The following PRDM16 variants were observed in gnomAD, a reference collection of about 807,000 sequenced individuals.
PRDM16 encodes PR/SET domain 16.
In PRDM16, 23 loss-of-function variants were observed where a neutral mutation model predicts 110.6. The observed-to-expected ratio is 0.21, with a 90% CI of 0.15 to 0.29. The LOEUF (loss-of-function observed/expected upper bound fraction) is 0.29. Ranked by LOEUF, PRDM16 falls within the 10% of genes least tolerant of loss-of-function variation. The pLI is 1.00. For synonymous variants in PRDM16, 799 were observed against 781.8 expected (o/e 1.02, Z -0.37); for missense variants, 1,615 against 1,794.3 (o/e 0.90, Z 1.81).
At chr1:3,408,035 T>C (rs138908242) in intron 8 of PRDM16, among the ~76,000 whole-genome samples, 18 of 152,360 alleles carry the variant, frequency 1.2e-4, no homozygotes, top group African/African-American at 4.3e-4. Context: ...CAGTGTCCTT[T>C]GGTGCAACTG....
At chr1:3,312,548 T>G (rs1557599564) in intron 3 of PRDM16, among the ~76,000 whole-genome samples, 1 of 152,144 alleles carries the variant, frequency 6.6e-6, no homozygotes, top group Non-Finnish European at 1.5e-5. Context: ...CAGGAGCCCA[T>G]CCGGATCCGG....
intron 2 of PRDM16, among the ~76,000 whole-genome samples, chr1:3,241,927 G>A (rs1639683385): frequency 6.6e-6 from 1 of 152,194 alleles, no homozygotes; most frequent in South Asian, 2.1e-4. Context: ...GGGCTGTCAC[G>A]CTAGCCCCCT....
chr1:3,325,279 G>T (rs1462325423), intron 3 of PRDM16, among the ~76,000 whole-genome samples: 1 of 152,226 alleles, frequency 6.6e-6, no homozygotes, highest in African/African-American at 2.4e-5. Context: ...GGGGTAGGTG[G>T]CCGGGCTCCC....
chr1:3,386,555 A>G (rs1312440404), intron 4 of PRDM16: 1 of 150,350 alleles, frequency 6.7e-6, no homozygotes, highest in African/African-American at 2.5e-5. Flanking sequence ...CGTGGCCTTC[A>G]GTTAGAGCCA....
Position 3,433,188 on chromosome 1 carries a change from G to A in PRDM16, c.3697-489G>A, listed in dbSNP as rs543939608. Among the ~76,000 whole-genome samples, 3 of 152,378 alleles carry A rather than the reference G, an allele frequency of 2.0e-5. No individual in the cohort carries two copies. In the East Asian group the frequency reaches 5.8e-4, roughly 29 times the overall value. ...CCCCAAAGCAGCCAAGGGAGCTGGT[G>A]TGCACAGGAGGCCCTGCACCAGCAC... On this transcript the variant is annotated intron_variant, in intron 16 of 16. Coordinates refer to ENST00000270722, the MANE Select transcript of PRDM16 (RefSeq NM_022114.4).
Position 3,436,226 on chromosome 1 carries a change from T to G in PRDM16, c.*2415T>G. The G allele has an allele frequency of 4.4e-6, 1 of 228,638 alleles. No homozygotes were observed. Among genetic ancestry groups the G allele is most frequent in the Non-Finnish European group, 8.6e-6 (1 of 115,630 alleles). 14.2% of individuals were successfully genotyped at this position (228,638 alleles called of 1,614,324 possible). A position where few individuals can be genotyped will look rare whatever the true frequency, so the allele number is the denominator to read the frequency against. On this transcript the variant is annotated 3_prime_UTR_variant, in exon 17 of 17. Coordinates refer to ENST00000270722, the MANE Select transcript of PRDM16 (RefSeq NM_022114.4). The stretch of plus-strand genomic sequence containing the variant: ...TTTTTTTTTTTGCAATATGACCCCG[T>G]CTCTCTGAAGTGGGACATTCGGACG...
intron 2 of PRDM16, among the ~76,000 whole-genome samples, chr1:3,200,937 A>G (rs1169561497): frequency 6.6e-6 from 1 of 150,578 alleles, no homozygotes; most frequent in Admixed American, 6.6e-5. Flanking sequence ...GAAGAGGAGC[A>G]GGAAGGAGGA....
At position 3,435,187 on chromosome 1, in the gene PRDM16, AT is replaced by A. The variant is rs549826621; in HGVS notation, c.*1383del. 17 of 223,552 alleles carry A rather than the reference AT, an allele frequency of 7.6e-5. No homozygotes were observed. The highest frequency in any genetic ancestry group is 2.2e-4 in the African/African-American group (10 of 44,700). The allele number at this position is 223,552 out of a possible 1,614,324, so 13.8% of individuals were successfully genotyped here. On this transcript the variant is annotated 3_prime_UTR_variant, in exon 17 of 17. Transcript: ENST00000270722. ...CCATAGGGGCCAATTTCAAATAATA[AT>A]TTTTTTCCCTGATGGAATTTACCTT... is the stretch of plus-strand genomic sequence containing the variant.
intron 2 of PRDM16, among the ~76,000 whole-genome samples, chr1:3,197,358 A>C (rs1397801107): frequency 6.6e-6 from 1 of 152,140 alleles, no homozygotes; most frequent in Non-Finnish European, 1.5e-5. Context: ...CAGCCATCAC[A>C]GCGGCCCCAG....
intron 1 of PRDM16, among the ~76,000 whole-genome samples, chr1:3,093,035 G>A (rs539596941): frequency 2.7e-4 from 41 of 152,312 alleles, no homozygotes; most frequent in African/African-American, 6.7e-4. Flanking sequence ...TGTAAAGCCA[G>A]GAACATGGGG....
At chr1:3,351,552 CT>C (rs1361148387) in intron 3 of PRDM16, among the ~76,000 whole-genome samples, 3 of 59,090 alleles carry the variant, frequency 5.1e-5, no homozygotes, top group African/African-American at 1.9e-4. Flanking sequence ...CTCTGTCCCC[CT>C]CCCTCTCTCA....
At chr1:3,365,940 A>ATG (rs558888057) in intron 3 of PRDM16, among the ~76,000 whole-genome samples, 1 of 91,490 alleles carries the variant, frequency 1.1e-5, no homozygotes, top group African/African-American at 6.9e-5. Context: ...ACATGCACAC[A>ATG]AACGCACACG....
chr1:3,377,935 C>T (rs536931851), intron 3 of PRDM16, among the ~76,000 whole-genome samples: 5 of 152,358 alleles, frequency 3.3e-5, no homozygotes, highest in African/African-American at 1.2e-4. Flanking sequence ...CATCCCAGGC[C>T]TCAGGCCTGC....
At chr1:3,429,525 G>A (rs1420704271) in intron 14 of PRDM16, among the ~76,000 whole-genome samples, 3 of 152,236 alleles carry the variant, frequency 2.0e-5, no homozygotes, top group African/African-American at 7.2e-5. Flanking sequence ...CGTCCTCAGA[G>A]TGGACAGGGA....
Position 3,411,514 on chromosome 1 carries a change from C to G in PRDM16, c.1317C>G (p.Asn439Lys). ...GQMFSTTSSL[N>K]KHRRFCEGKN... ...TGTTCAGCACTACCTCCTCCCTCAA[C>G]AAGCACCGGCGCTTCTGCGAGGGCA... Residue 439 changes from asparagine (N) to lysine (K), a missense_variant, in exon 9 of 17, where the codon AAC (asparagine) becomes AAG (lysine). Physicochemically the swap from Asn to Lys is moderately conservative, Grantham distance 94. Around this residue, in one of 5 missense-constraint regions of PRDM16, gnomAD observed 772 missense variants for 748.3 expected, o/e 1.03. Coordinates refer to ENST00000270722, the MANE Select transcript of PRDM16 (RefSeq NM_022114.4). 6.2e-7 allele frequency: 1 copy of G among 1,614,218 alleles called. No homozygotes were observed. The highest frequency in any genetic ancestry group is 8.5e-7 in the Non-Finnish European group (1 of 1,180,042).
chr1:3,301,847 A>G (rs1039688766), intron 3 of PRDM16, among the ~76,000 whole-genome samples: 3 of 152,156 alleles, frequency 2.0e-5, no homozygotes, highest in African/African-American at 7.2e-5. Context: ...AGGAGCTCCC[A>G]GCCATTGGAT....
chr1:3,279,382 G>C (rs922821687), intron 3 of PRDM16, among the ~76,000 whole-genome samples: 4 of 152,218 alleles, frequency 2.6e-5, no homozygotes, highest in Non-Finnish European at 2.9e-5. Context: ...CGGTGCCTCG[G>C]GGCAGCTGTG....
At chr1:3,223,011 T>C (rs998160237) in intron 2 of PRDM16, among the ~76,000 whole-genome samples, 1 of 149,772 alleles carries the variant, frequency 6.7e-6, no homozygotes, top group Non-Finnish European at 1.5e-5. Context: ...TGAGCGTGCG[T>C]GGGGTAGCAT....
At chr1:3,282,295 C>T (rs1371036928) in intron 3 of PRDM16, among the ~76,000 whole-genome samples, 1 of 152,232 alleles carries the variant, frequency 6.6e-6, no homozygotes, top group East Asian at 1.9e-4. Flanking sequence ...CAGGCTGGCC[C>T]TGCCAGCTGG....
Sources: gnomAD v4.1 joint callset for allele counts (sites outside exome capture counted in the v4.1 genomes callset) on GRCh38, gnomAD v4.1.1 for gene constraint, gnomAD v4.1.1 regional missense constraint, MANE v1.5 for transcripts, NCBI Gene and HGNC (gene_info 2026-07-23, HGNC 2026-07-21) for gene names.